DLG2: variants seen among roughly 807,000 people sequenced by gnomAD.
DLG2 encodes disks large homolog 2.
A neutral mutation model predicts 132.5 loss-of-function variants in DLG2; 45 were observed. The ratio of observed to expected loss-of-function variants is 0.34; its 90% CI spans 0.27 to 0.44. The LOEUF (loss-of-function observed/expected upper bound fraction) is 0.44, where lower values mean the gene tolerates loss of function less well. DLG2 is among the 20% of genes least tolerant of loss of function. The pLI, the probability that DLG2 is intolerant of heterozygous loss-of-function variation, is 1.00. For synonymous variants in DLG2, 424 were observed against 419.6 expected, an observed-to-expected ratio of 1.01 and a Z score of -0.13; for missense variants, 1,045 against 1,196.9, an observed-to-expected ratio of 0.87 and a Z score of 1.87.
chr11:85,599,713 A>G (rs982177165), intron 2 of DLG2, among the ~76,000 whole-genome samples: 2 of 152,180 alleles, frequency 1.3e-5, no homozygotes, highest in Non-Finnish European at 2.9e-5. Context: ...CTCTTCCATA[A>G]AGCCATCTCT....
rs118154096 is a variant in DLG2 at position 84,328,743 on chromosome 11, A to G, written c.520-77452T>C. ...AAAGGCAGGGTATGGACTAATATAA[A>G]TTACAGGTCCTCTTTCATCTAAATG... On this transcript the variant is annotated intron_variant, in intron 7 of 27. Transcript: ENST00000376104. 8.0e-4 allele frequency among the ~76,000 whole-genome samples: 122 copies of G among 152,322 alleles called. 1 individual carries two copies. In the East Asian group the frequency reaches 0.02, roughly 25 times the overall value.
At chr11:84,798,909 C>A (rs1045013734) in intron 6 of DLG2, among the ~76,000 whole-genome samples, 1 of 152,092 alleles carries the variant, frequency 6.6e-6, no homozygotes, top group African/African-American at 2.4e-5. Context: ...TGCCTGTCAC[C>A]CCATCCTAGT....
chr11:85,014,483 C>T (rs905539243), intron 6 of DLG2, among the ~76,000 whole-genome samples: 1 of 152,106 alleles, frequency 6.6e-6, no homozygotes, highest in Non-Finnish European at 1.5e-5. Context: ...ATAGCTTCAC[C>T]CCTTAATATC....
chr11:83,931,048 A>G (rs2080103580), intron 14 of DLG2, among the ~76,000 whole-genome samples: 1 of 152,202 alleles, frequency 6.6e-6, no homozygotes, highest in African/African-American at 2.4e-5. Flanking sequence ...TTTTTCTTAT[A>G]TAAATAGGAC....
intron 4 of DLG2, among the ~76,000 whole-genome samples, chr11:85,247,476 T>C (rs1010629445): frequency 1.3e-5 from 2 of 152,046 alleles, no homozygotes; most frequent in African/African-American, 4.8e-5. Context: ...ACCCTGATAC[T>C]TCCTGTGGCC....
At chr11:84,902,566 G>C (rs370069423) in intron 6 of DLG2, among the ~76,000 whole-genome samples, 1 of 152,114 alleles carries the variant, frequency 6.6e-6, no homozygotes. Flanking sequence ...GGTTCTGTCC[G>C]TAGCTATTCT....
chr11:83,478,367 G>T (rs186225730), intron 22 of DLG2, among the ~76,000 whole-genome samples: 1 of 151,982 alleles, frequency 6.6e-6, no homozygotes, highest in Non-Finnish European at 1.5e-5. Context: ...TTCCATATTT[G>T]CCCTACTAAT....
At chr11:85,003,458 G>A (rs1186155876) in intron 6 of DLG2, among the ~76,000 whole-genome samples, 2 of 152,108 alleles carry the variant, frequency 1.3e-5, no homozygotes, top group Non-Finnish European at 1.5e-5. Context: ...TTTATTATAT[G>A]TAAGTTGTAA....
intron 18 of DLG2, among the ~76,000 whole-genome samples, chr11:83,748,057 C>G (rs1446051902): frequency 6.6e-6 from 1 of 152,214 alleles, no homozygotes; most frequent in Non-Finnish European, 1.5e-5. Context: ...AACAGGCAAT[C>G]TGGCTTGAGA....
At chr11:84,711,330 AAGAG>A (rs760750088) in intron 6 of DLG2, among the ~76,000 whole-genome samples, 671 of 48,346 alleles carry the variant, frequency 0.014, 1 homozygote, top group East Asian at 0.075. Flanking sequence ...CAGAACCAGT[AAGAG>A]AGAGAGAGAG....
intron 6 of DLG2, among the ~76,000 whole-genome samples, chr11:85,043,062 A>G (rs568507649): frequency 2.0e-5 from 3 of 151,994 alleles, no homozygotes; most frequent in African/African-American, 7.2e-5. Flanking sequence ...TTGCTATCTT[A>G]TTATAGTCTT....
At position 83,962,898 on chromosome 11, in the gene DLG2, C is replaced by A. The variant is rs772008941; in HGVS notation, c.1327G>T (p.Asp443Tyr). The change falls in exon 14 of 28, where the codon GAC (aspartate) becomes TAC (tyrosine). Residue 443 changes from aspartate to tyrosine, a missense_variant. This residue lies in a region of DLG2 where 261 missense variants were observed against 256.1 expected (regional missense o/e 1.02). Transcript: ENST00000376104. ...GGCATATCTGACCTGGTGTAGTCGT[C>A]GTCAACAAGCATGTGCTTTGGAATT... ...SPIPKHMLVD[D>Y]DYTRPPEPVY... The A allele has an allele frequency of 2.2e-5, 35 of 1,612,822 alleles. No individual in the cohort carries two copies. Among genetic ancestry groups the A allele is most frequent in the Non-Finnish European group, 2.8e-5 (33 of 1,179,052 alleles).
chr11:83,664,264 T>A (rs914313864), intron 18 of DLG2, among the ~76,000 whole-genome samples: 1 of 152,136 alleles, frequency 6.6e-6, no homozygotes, highest in Non-Finnish European at 1.5e-5. Context: ...AGCAGTGGTG[T>A]GAAGGAATAC....
intron 3 of DLG2, among the ~76,000 whole-genome samples, chr11:85,411,370 GTC>G (rs1290391651): frequency 6.6e-6 from 1 of 151,892 alleles, no homozygotes; most frequent in Non-Finnish European, 1.5e-5. Flanking sequence ...TAGTCTATGA[GTC>G]TCTTGCAGCG....
chr11:83,487,648 G>A (rs1315268378), intron 21 of DLG2, among the ~76,000 whole-genome samples: 1 of 152,002 alleles, frequency 6.6e-6, no homozygotes, highest in East Asian at 1.9e-4. Context: ...ATATCACAGT[G>A]TGTTCTTCCC....
intron 6 of DLG2, among the ~76,000 whole-genome samples, chr11:84,776,292 C>A (rs2070476220): frequency 6.6e-6 from 1 of 152,092 alleles, no homozygotes; most frequent in African/African-American, 2.4e-5. Flanking sequence ...GCTGGGGCCA[C>A]AGGCACACAC....
At chr11:84,890,883 A>G (rs1405320751) in intron 6 of DLG2, 4 of 152,240 alleles carry the variant, frequency 2.6e-5, no homozygotes, top group East Asian at 1.9e-4. Flanking sequence ...TACTCTGCAC[A>G]TGTCATGCTG....
intron 14 of DLG2, among the ~76,000 whole-genome samples, chr11:83,933,140 A>G (rs2154132452): frequency 6.6e-6 from 1 of 152,328 alleles, no homozygotes; most frequent in East Asian, 1.9e-4. Flanking sequence ...ACCATCACTG[A>G]AATCTGGGTG....
chr11:85,414,693 G>C (rs1597112583), intron 3 of DLG2, among the ~76,000 whole-genome samples: 1 of 151,952 alleles, frequency 6.6e-6, no homozygotes, highest in South Asian at 2.1e-4. Flanking sequence ...TGTAAGTGGA[G>C]TATTGAAGTC....
Sources: allele counts gnomAD v4.1 joint callset (sites outside exome capture counted in the v4.1 genomes callset), GRCh38; gene constraint gnomAD v4.1.1; regional missense constraint gnomAD v4.1.1; transcripts MANE v1.5; gene names NCBI Gene and HGNC (gene_info 2026-07-23, HGNC 2026-07-21).